The following CRYM variants were observed in gnomAD, a reference collection of about 807,000 sequenced individuals.
The protein encoded by CRYM is ketimine reductase mu-crystallin.
A neutral mutation model predicts 32.9 loss-of-function variants in CRYM; 18 were observed. The ratio of observed to expected loss-of-function variants is 0.55; its 90% CI spans 0.38 to 0.81. The LOEUF (loss-of-function observed/expected upper bound fraction) is 0.81, where lower values mean the gene tolerates loss of function less well. Ranked by LOEUF, CRYM falls within the 30% of genes least tolerant of loss-of-function variation. CRYM has a pLI of 0.00. For missense variants in CRYM, 337 were observed against 393.5 expected, an observed-to-expected ratio of 0.86 and a Z score of 1.21; for synonymous variants, 153 against 152.4, an observed-to-expected ratio of 1.00 and a Z score of -0.03.
intron 5 of CRYM, among the ~76,000 whole-genome samples, chr16:21,262,904 C>T (rs773032969): frequency 6.6e-6 from 1 of 152,248 alleles, no homozygotes; most frequent in South Asian, 2.1e-4. Context: ...TAGGCGCTCA[C>T]ACCTCTTCTG....
intron 1 of CRYM, chr16:21,300,394 G>A (rs955342322): frequency 2.0e-5 from 3 of 151,778 alleles, no homozygotes; most frequent in Non-Finnish European, 2.9e-5. Flanking sequence ...AAGCTAAAGA[G>A]CAATTTGATT....
intron 4 of CRYM, among the ~76,000 whole-genome samples, chr16:21,268,202 T>G (rs985745531): frequency 6.6e-6 from 1 of 152,212 alleles, no homozygotes; most frequent in African/African-American, 2.4e-5. Flanking sequence ...ACTCACACTT[T>G]ATGTCTGAGA....
At chr16:21,302,016 C>T (rs573850436) in intron 1 of CRYM, among the ~76,000 whole-genome samples, 3 of 152,330 alleles carry the variant, frequency 2.0e-5, no homozygotes, top group South Asian at 4.1e-4. Context: ...AAGGGCGACC[C>T]CCAAACAAAA....
intron 6 of CRYM, chr16:21,261,601 A>C (rs568739470): frequency 1.8e-6 from 1 of 549,248 alleles, no homozygotes. Context: ...TGCCAAGATC[A>C]TTGTGTCAGT....
chr16:21,270,286 T>C (rs776324254), intron 3 of CRYM, among the ~76,000 whole-genome samples: 2 of 147,212 alleles, frequency 1.4e-5, no homozygotes, highest in Non-Finnish European at 3.0e-5. Context: ...TTTCTTTCTT[T>C]CTTTTCTTTT....
chr16:21,291,680 A>G (rs1183682963), intron 1 of CRYM, among the ~76,000 whole-genome samples: 1 of 152,156 alleles, frequency 6.6e-6, no homozygotes, highest in Non-Finnish European at 1.5e-5. Flanking sequence ...ACTTCTCAAC[A>G]TCTTTGCATG....
At chr16:21,279,815 T>A (rs2093395004), upstream of CRYM, among the ~76,000 whole-genome samples, 1 of 152,150 alleles carries the variant, frequency 6.6e-6, no homozygotes, top group Admixed American at 6.5e-5. Context: ...TCAAAATCAG[T>A]ACCAATGAAA....
intron 5 of CRYM, among the ~76,000 whole-genome samples, chr16:21,263,562 AAAC>A (rs1342814492): frequency 3.3e-5 from 5 of 152,066 alleles, no homozygotes; most frequent in Admixed American, 6.6e-5. Flanking sequence ...AAAAGAAAAA[AAAC>A]AACAACAACA....
chr16:21,270,138 A>C (rs1284575179), intron 3 of CRYM, among the ~76,000 whole-genome samples: 1 of 152,174 alleles, frequency 6.6e-6, no homozygotes, highest in African/African-American at 2.4e-5. Flanking sequence ...TTTAGTCTAG[A>C]CATTGACCCT....
chr16:21,268,096 A>C (rs1290362069), intron 4 of CRYM, among the ~76,000 whole-genome samples: 1 of 152,226 alleles, frequency 6.6e-6, no homozygotes, highest in Non-Finnish European at 1.5e-5. Context: ...CTTGGAACCA[A>C]TCTCCACTCT....
At chr16:21,296,558 C>A (rs1472123585) in intron 1 of CRYM, among the ~76,000 whole-genome samples, 1 of 152,148 alleles carries the variant, frequency 6.6e-6, no homozygotes, top group African/African-American at 2.4e-5. Context: ...ATCACTAACA[C>A]CAAGGAATAT....
rs1960977340 is a variant in CRYM, at chr16:21,302,540, C to A, written c.-193+438G>T. Among the ~76,000 whole-genome samples the A allele has an allele frequency of 5.9e-5, 9 of 152,300 alleles. No homozygotes were observed. In the South Asian group the frequency reaches 1.5e-3, roughly 25 times the overall value. The stretch of plus-strand genomic sequence containing the variant: ...GACCAGAACTCAGTCTAAACTAACT[C>A]TGCTGAAACAAAGTGGGGCAGGGTT... On this transcript the variant is annotated intron_variant, in intron 1 of 9. Transcript: ENST00000219599.
At chr16:21,298,542 T>G (rs918651892) in intron 1 of CRYM, among the ~76,000 whole-genome samples, 1 of 152,204 alleles carries the variant, frequency 6.6e-6, no homozygotes, top group African/African-American at 2.4e-5. Context: ...GAATGAATAC[T>G]GGATGATTCC....
chr16:21,299,475 A>G (rs1420072494), intron 1 of CRYM, among the ~76,000 whole-genome samples: 1 of 151,964 alleles, frequency 6.6e-6, no homozygotes, highest in Non-Finnish European at 1.5e-5. Flanking sequence ...CTGCTCGGCT[A>G]ATTTTTCTAT....
At position 21,278,177 on chromosome 16, in the gene CRYM, C is replaced by G. The variant is rs770671495; in HGVS notation, c.75G>C (p.Pro25=). Residue 25 remains proline (P), a synonymous_variant, in exon 1 of 8, where the codon CCG becomes CCC. Transcript: ENST00000572914. ...EHLRSSSLLI[P]PLETALANFS... ...AGTTGGCCAGGGCCGTCTCTAGAGG[C>G]GGGATGAGGAGGCTGGAGCTGCGGA... The G allele has an allele frequency of 1.3e-6, 2 of 1,553,442 alleles. No homozygotes were observed. Among genetic ancestry groups the G allele is most frequent in the South Asian group, 2.4e-5 (2 of 84,340 alleles).
rs370820452 is a variant in CRYM at position 21,275,607 on chromosome 16, G to A, written c.325-13C>T. 1 of 1,608,748 alleles carries A rather than the reference G, an allele frequency of 6.2e-7. No homozygotes were observed. The highest frequency in any genetic ancestry group is 8.5e-7 in the Non-Finnish European group (1 of 1,175,098). ...TTCCATCCATGACCTTGGAGGAAAAGAGAGACAGTGAGCAAGGGGAACCCC... is the reference window on the plus strand; with the variant it reads ...TTCCATCCATGACCTTGGAGGAAAAAAGAGACAGTGAGCAAGGGGAACCCC... On this transcript the variant is annotated splice_polypyrimidine_tract_variant and intron_variant, in intron 2 of 7. Coordinates refer to ENST00000572914, the MANE Select transcript of CRYM (RefSeq NM_001376256.1).
At chr16:21,297,190 C>T (rs1053314855) in intron 1 of CRYM, among the ~76,000 whole-genome samples, 5 of 151,604 alleles carry the variant, frequency 3.3e-5, no homozygotes, top group African/African-American at 9.7e-5. Flanking sequence ...GTCAGGAGTT[C>T]GAGACCAGCC....
intron 5 of CRYM, among the ~76,000 whole-genome samples, chr16:21,265,682 G>GTCATCATTTGACTTGGCTCTCGCCGGC (rs1329136806): frequency 1.3e-5 from 2 of 152,208 alleles, no homozygotes; most frequent in Non-Finnish European, 2.9e-5. Context: ...GATTGAATGC[G>GTCATCATTTGACTTGGCTCTCGCCGGC]TCATCATTTG....
chr16:21,267,355 C>T (rs993160533), intron 5 of CRYM, among the ~76,000 whole-genome samples, 199 bp downstream of exon 5: 5 of 152,328 alleles, frequency 3.3e-5, no homozygotes, highest in Admixed American at 6.5e-5. Flanking sequence ...GCCTCAGTCT[C>T]CCAAAGTGCT....
Sources: gnomAD v4.1 joint callset for allele counts (sites outside exome capture counted in the v4.1 genomes callset) on GRCh38, gnomAD v4.1.1 for gene constraint, MANE v1.5 for transcripts, NCBI Gene and HGNC (gene_info 2026-07-23, HGNC 2026-07-21) for gene names.